YTHDC2: variants seen among roughly 807,000 people sequenced by gnomAD.
The protein encoded by YTHDC2 is YTH N6-methyladenosine RNA binding protein C2.
Under a neutral mutation model 174.9 loss-of-function variants are expected in YTHDC2, and 45 were observed. That is an observed-to-expected ratio of 0.26 (90% CI 0.20 to 0.33). The LOEUF is 0.33. Among genes scored for constraint, YTHDC2 ranks in the 10% least tolerant of loss-of-function variants. The pLI is 1.00. For synonymous variants in YTHDC2, 657 were observed against 574.5 expected, an observed-to-expected ratio of 1.14 and a Z score of -2.05; for missense variants, 1,650 against 1,723.7, an observed-to-expected ratio of 0.96 and a Z score of 0.76.
intron 8 of YTHDC2, among the ~76,000 whole-genome samples, chr5:113,540,369 G>A (rs1354259193): frequency 6.6e-6 from 1 of 152,158 alleles, no homozygotes; most frequent in Non-Finnish European, 1.5e-5. Context: ...TTATTAGTAG[G>A]ACTTGGAACA....
In YTHDC2 at chr5:113,579,708, C is replaced by T; in HGVS notation, c.3354+13C>T. 1 of 1,588,406 alleles carries T rather than the reference C, an allele frequency of 6.3e-7. No individual in the cohort carries two copies. Among genetic ancestry groups the T allele is most frequent in the Non-Finnish European group, 8.6e-7 (1 of 1,169,118 alleles). On this transcript the variant is annotated intron_variant, in intron 24 of 29. Transcript: ENST00000161863. ...ACTGGAGCCAGAGGTAAGTTGCTTT[C>T]AAGTAGTGTAATAAATTTCTTTCAT...
chr5:113,589,615 C>T (rs1778903114), intron 26 of YTHDC2, among the ~76,000 whole-genome samples: 1 of 151,488 alleles, frequency 6.6e-6, no homozygotes, highest in African/African-American at 2.4e-5. Context: ...ACCTGTATTC[C>T]TAGCTACTGG....
chr5:113,579,520 TTC>T, intron 23 of YTHDC2, 64 bp from the exon 24 acceptor site: 1 of 1,210,202 alleles, frequency 8.3e-7, no homozygotes, highest in Non-Finnish European at 1.2e-6. Context: ...GTATTTATTC[TTC>T]TTAGTTTTTT....
At chr5:113,551,299 G>C (rs1164131292) in intron 12 of YTHDC2, among the ~76,000 whole-genome samples, 1 of 151,838 alleles carries the variant, frequency 6.6e-6, no homozygotes, top group Non-Finnish European at 1.5e-5. Context: ...CAGGTTACCA[G>C]GTAAAGCGTT....
chr5:113,532,863 A>G lies in YTHDC2; in HGVS notation c.676-16A>G, dbSNP rs745679156. On this transcript the variant is annotated splice_polypyrimidine_tract_variant and intron_variant, in intron 4 of 29. Transcript: ENST00000161863. The stretch of plus-strand genomic sequence containing the variant: ...GTGATCATGTCATCTTACAGTTTTT[A>G]AAACTTTTGTTTCAGATTCCTCAGT... 11 of 1,594,488 alleles carry G rather than the reference A, an allele frequency of 6.9e-6. No homozygotes were observed. The South Asian group carries it at 1.1e-4, about 16-fold the overall frequency.
rs1778270963 is a variant in YTHDC2 at position 113,579,626 on chromosome 5, G to A, written c.3285G>A (p.Glu1095=). 2 of 1,611,020 alleles carry A rather than the reference G, an allele frequency of 1.2e-6. No individual in the cohort carries two copies. The highest frequency in any genetic ancestry group is 2.7e-5 in the African/African-American group (2 of 74,864). ...ATGACAGTAGTGATAGTGAAATGGA[G>A]GACAAAACTACAGCTAATTTGGCAG... is the stretch of plus-strand genomic sequence containing the variant. ...IPNDSSDSEM[E]DKTTANLAAL... The change falls in exon 24 of 30, where the codon GAG becomes GAA. Residue 1095 remains glutamate, a synonymous_variant. Coordinates refer to ENST00000161863, the MANE Select transcript of YTHDC2 (RefSeq NM_022828.5).
At chr5:113,581,932 T>C (rs919917024) in intron 25 of YTHDC2, 1 of 334,322 alleles carries the variant, frequency 3.0e-6, no homozygotes, top group Non-Finnish European at 5.2e-6. Context: ...CTGTGAGTTA[T>C]TTAATAAGGC....
In YTHDC2 at chr5:113,548,634, G is replaced by A; in HGVS notation, c.1589G>A (p.Gly530Glu). The A allele has an allele frequency of 1.2e-6, 2 of 1,612,852 alleles. No homozygotes were observed. Among genetic ancestry groups the A allele is most frequent in the East Asian group, 2.2e-5 (1 of 44,832 alleles). Residue 530 changes from glycine (G) to glutamate (E), a missense_variant, in exon 11 of 30, where the codon GGA (glycine) becomes GAA (glutamate). Gly to Glu is a moderately conservative substitution (Grantham distance 98). Transcript: ENST00000161863. Reference sequence around the variant, plus strand: ...CAAGTAGAACAGTTAATCAGTATGGGAGCCAATGTCCATAGTAAAGCATCA... The same window carrying A: ...CAAGTAGAACAGTTAATCAGTATGGAAGCCAATGTCCATAGTAAAGCATCA... ...ASQVEQLISM[G>E]ANVHSKASNG... is the part of the protein sequence containing the mutation.
chr5:113,553,089 C>T (rs1776359859), intron 12 of YTHDC2, 92 bp from the exon 13 acceptor site: 1 of 1,219,276 alleles, frequency 8.2e-7, no homozygotes, highest in Admixed American at 3.4e-5. Context: ...CTTACCTTAC[C>T]TTCCTTAGGG....
At chr5:113,554,598 C>G (rs1776476296) in intron 16 of YTHDC2, among the ~76,000 whole-genome samples, 1 of 151,930 alleles carries the variant, frequency 6.6e-6, no homozygotes, top group Non-Finnish European at 1.5e-5. Context: ...TTCATTGGAA[C>G]TCAGCTAGTC....
chr5:113,578,435 A>G (rs1244087927), intron 23 of YTHDC2, among the ~76,000 whole-genome samples: 1 of 152,152 alleles, frequency 6.6e-6, no homozygotes, highest in Non-Finnish European at 1.5e-5. Flanking sequence ...TTTACTAAAT[A>G]GCATTTGAGC....
At chr5:113,577,460 C>T (rs1467577045) in intron 23 of YTHDC2, among the ~76,000 whole-genome samples, 1 of 152,130 alleles carries the variant, frequency 6.6e-6, no homozygotes. Flanking sequence ...ATCTCTGTCT[C>T]CCAGGCTCAA....
At chr5:113,581,739 T>A in intron 25 of YTHDC2, 30 bp downstream of exon 25, 1 of 1,432,752 alleles carries the variant, frequency 7.0e-7, no homozygotes, top group South Asian at 1.6e-5. Flanking sequence ...CCAAAATGGG[T>A]CACTTTTTAT....
chr5:113,573,472 T>G (rs1234374709), intron 23 of YTHDC2, among the ~76,000 whole-genome samples: 2 of 152,170 alleles, frequency 1.3e-5, no homozygotes, highest in Non-Finnish European at 2.9e-5. Context: ...TCATGGAGTA[T>G]TATACTAGGG....
At chr5:113,578,392 G>T (rs1778198761) in intron 23 of YTHDC2, among the ~76,000 whole-genome samples, 1 of 148,090 alleles carries the variant, frequency 6.8e-6, no homozygotes, top group Non-Finnish European at 1.5e-5. Context: ...GTTTTGTTTT[G>T]TTTTTTTGTG....
chr5:113,592,518 G>A (rs1018983146), intron 28 of YTHDC2: 1 of 167,296 alleles, frequency 6.0e-6, no homozygotes, highest in East Asian at 1.6e-4. Context: ...AGCTAGTTAA[G>A]ATGATGGAAA....
chr5:113,549,692 C>T (rs531617577), intron 12 of YTHDC2, among the ~76,000 whole-genome samples: 3 of 152,052 alleles, frequency 2.0e-5, no homozygotes, highest in African/African-American at 7.2e-5. Context: ...CAATCTACCC[C>T]CCACGCAATG....
intron 4 of YTHDC2, among the ~76,000 whole-genome samples, chr5:113,527,764 A>G (rs1172787190): frequency 6.6e-6 from 1 of 152,116 alleles, no homozygotes; most frequent in African/African-American, 2.4e-5. Flanking sequence ...TCTGAAGACT[A>G]TACAAGATCT....
At chr5:113,552,213 A>T (rs1374767505) in intron 12 of YTHDC2, among the ~76,000 whole-genome samples, 1 of 152,162 alleles carries the variant, frequency 6.6e-6, no homozygotes, top group Middle Eastern at 3.2e-3. Context: ...TCACCCATTT[A>T]GGTGACCAAT....
Sources: allele counts gnomAD v4.1 joint callset (sites outside exome capture counted in the v4.1 genomes callset), GRCh38; gene constraint gnomAD v4.1.1; transcripts MANE v1.5; gene names NCBI Gene and HGNC (gene_info 2026-07-23, HGNC 2026-07-21).